Variants in TASOR observed in about 807,000 individuals in gnomAD.
The protein encoded by TASOR is protein TASOR.
Under a neutral mutation model 178.6 loss-of-function variants are expected in TASOR, and 53 were observed. That is an observed-to-expected ratio of 0.30 (90% CI 0.24 to 0.37). TASOR has a LOEUF of 0.37. TASOR is among the 10% of genes least tolerant of loss of function. The pLI, the probability that TASOR is intolerant of heterozygous loss-of-function variation, is 1.00. For synonymous variants in TASOR, 713 were observed against 696.2 expected, an observed-to-expected ratio of 1.02 and a Z score of -0.38; for missense variants, 1,815 against 1,971.4, an observed-to-expected ratio of 0.92 and a Z score of 1.50.
intron 2 of TASOR, 38 bp from the exon 3 acceptor site, chr3:56,671,730 TG>T: frequency 7.0e-7 from 1 of 1,419,190 alleles, no homozygotes; most frequent in Non-Finnish European, 9.6e-7. Flanking sequence ...ACTTAGCATG[TG>T]ATTATGTTTT....
chr3:56,626,906 A>G (rs1578184714), intron 21 of TASOR, 131 bp downstream of exon 21: 3 of 587,742 alleles, frequency 5.1e-6, no homozygotes, highest in Non-Finnish European at 9.0e-6. Flanking sequence ...CAGTATCTAT[A>G]CTCAATTATG....
intron 15 of TASOR, 88 bp downstream of exon 15, chr3:56,641,261 A>G: frequency 7.5e-7 from 1 of 1,342,276 alleles, no homozygotes; most frequent in Non-Finnish European, 1.0e-6. Context: ...TTTTTCAAAG[A>G]AAAAAATCAT....
chr3:56,663,737 A>T, intron 7 of TASOR, 165 bp from the exon 8 acceptor site: 1 of 1,055,732 alleles, frequency 9.5e-7, no homozygotes, highest in Non-Finnish European at 1.1e-6. Flanking sequence ...TAGTAAATCC[A>T]AGTCTACTTA....
At chr3:56,666,585 G>GT (rs1464403656) in intron 6 of TASOR, among the ~76,000 whole-genome samples, 12 of 152,126 alleles carry the variant, frequency 7.9e-5, no homozygotes, top group African/African-American at 2.9e-4. Context: ...ATCTAAGTGC[G>GT]TAAGATCCCA....
At chr3:56,629,971 T>TTA (rs1188192894) in intron 18 of TASOR, among the ~76,000 whole-genome samples, 3 of 149,196 alleles carry the variant, frequency 2.0e-5, no homozygotes. Context: ...TGCTGGTAAT[T>TTA]TTTTTTTTTT....
chr3:56,630,998 C>T (rs2076900645), intron 18 of TASOR, among the ~76,000 whole-genome samples: 1 of 152,054 alleles, frequency 6.6e-6, no homozygotes, highest in Non-Finnish European at 1.5e-5. Flanking sequence ...CCTATTCTCT[C>T]ATCTAACCCC....
At chr3:56,628,674 C>T (rs1461246903) in intron 18 of TASOR, 60 bp from the exon 19 acceptor site, 1 of 1,167,238 alleles carries the variant, frequency 8.6e-7, no homozygotes, top group African/African-American at 1.6e-5. Context: ...ATCAATTTAA[C>T]ACCAGAAATG....
rs2076662184 is a variant in TASOR, at chr3:56,621,729, T to C, written c.*1308A>G. 1.5e-6 allele frequency: 1 copy of C among 686,050 alleles called. No homozygotes were observed. Among genetic ancestry groups the C allele is most frequent in the South Asian group, 2.1e-5 (1 of 47,610 alleles). 42.5% of individuals were successfully genotyped at this position (686,050 alleles called of 1,614,324 possible). On this transcript the variant is annotated 3_prime_UTR_variant, in exon 24 of 24. Transcript: ENST00000683822. ...GCCTAGATTTACTTATTTTTTTAAA[T>C]GCTCATTAAAAACTTGTATACTATG...
intron 17 of TASOR, among the ~76,000 whole-genome samples, chr3:56,636,386 TTGTTGGTG>T (rs2077016770): frequency 6.6e-6 from 1 of 150,400 alleles, no homozygotes; most frequent in Non-Finnish European, 1.5e-5. Flanking sequence ...AAAGCTTTTG[TTGTTGGTG>T]GTGGTGGTGG....
chr3:56,669,303 A>C (rs2030409486), intron 5 of TASOR, among the ~76,000 whole-genome samples: 1 of 152,140 alleles, frequency 6.6e-6, no homozygotes, highest in Non-Finnish European at 1.5e-5. Context: ...GGAGATCGAG[A>C]CCATCCTGGC....
intron 21 of TASOR, 149 bp downstream of exon 21, chr3:56,626,888 G>A: frequency 1.9e-6 from 1 of 515,232 alleles, no homozygotes; most frequent in Non-Finnish European, 3.5e-6. Context: ...ATAAAGGCTA[G>A]AATAATTCAG....
chr3:56,633,416 T>G lies in TASOR; in HGVS notation c.3375A>C (p.Ser1125=). The G allele has an allele frequency of 6.2e-7, 1 of 1,614,156 alleles. No individual in the cohort carries two copies. Among genetic ancestry groups the G allele is most frequent in the Non-Finnish European group, 8.5e-7 (1 of 1,180,004 alleles). The change falls in exon 18 of 24, where the codon TCA becomes TCC. Residue 1125 remains serine, a synonymous_variant. Transcript: ENST00000683822. ...PLERHVIPVS[S]SDFNNKHLLE... is the part of the protein sequence containing the mutation. ...GGAGATGTTTATTGTTGAAGTCACT[T>G]GAGGAAACTGGTATGACATGCCTTT... is the stretch of plus-strand genomic sequence containing the variant.
chr3:56,668,602 G>T, intron 5 of TASOR, 44 bp from the exon 6 acceptor site: 1 of 1,301,186 alleles, frequency 7.7e-7, no homozygotes, highest in African/African-American at 1.5e-5. Context: ...AAACCTAATT[G>T]TTGACTATAT....
chr3:56,646,611 A>G lies in TASOR; in HGVS notation c.2126T>C (p.Val709Ala), dbSNP rs905251044. Residue 709 changes from valine (V) to alanine (A), a missense_variant, in exon 14 of 24, where the codon GTC becomes GCC. Physicochemically the swap from Val to Ala is moderately conservative, Grantham distance 64 (BLOSUM62 0). This residue lies in a region of TASOR where 655 missense variants were observed against 671.1 expected (regional missense o/e 0.98). Transcript: ENST00000683822. ...TAGATCCTCAAGCTTCCTCTTCAAG[A>G]CAGTTTTGCTTCTCATATCTTCTGT... ...SDTEDMRSKTVLKRKLEDLPE... is the reference protein window; with the variant it reads ...SDTEDMRSKTALKRKLEDLPE... 6.2e-7 allele frequency: 1 copy of G among 1,613,200 alleles called. No homozygotes were observed. Among genetic ancestry groups the G allele is most frequent in the African/African-American group, 1.3e-5 (1 of 74,890 alleles).
rs1454848691 is a variant in TASOR, at chr3:56,624,976, C to T, written c.4170G>A (p.Thr1390=). ...GTTTCTTCTGATAGACATTCAGAAGCGTCAACAGACTTAGAGCTTTAGCAT... is the reference window on the plus strand; with the variant it reads ...GTTTCTTCTGATAGACATTCAGAAGTGTCAACAGACTTAGAGCTTTAGCAT... The part of the protein sequence containing the change: ...RLNAKALSLL[T]LLNVYQKKHL... The change falls in exon 22 of 24, where the codon ACG becomes ACA. Residue 1390 remains threonine (T), a synonymous_variant. Transcript: ENST00000683822. The T allele has an allele frequency of 6.8e-6, 11 of 1,613,968 alleles. No individual in the cohort carries two copies. Among genetic ancestry groups the T allele is most frequent in the African/African-American group, 4.0e-5 (3 of 74,930 alleles).
At chr3:56,635,118 C>CAT (rs2076990123) in intron 17 of TASOR, among the ~76,000 whole-genome samples, 1 of 152,206 alleles carries the variant, frequency 6.6e-6, no homozygotes, top group African/African-American at 2.4e-5. Context: ...TCACACTCAT[C>CAT]ACACTTTTCT....
chr3:56,632,724 T>C (rs540235256), intron 18 of TASOR, among the ~76,000 whole-genome samples: 22 of 152,238 alleles, frequency 1.4e-4, no homozygotes, highest in Admixed American at 1.3e-3. Context: ...AACTGTAATC[T>C]TGAATGCCTG....
At position 56,673,732 on chromosome 3, in the gene TASOR, TAAAA is replaced by T; in HGVS notation, c.332-11_332-8del. Reference sequence around the variant, plus strand: ...GTTAATGGCTGGAAAAGTGCTAAAATAAAAAAACAAACATTTAAAATGTTTAACA... The same window carrying T: ...GTTAATGGCTGGAAAAGTGCTAAAATAAACAAACATTTAAAATGTTTAACA... On this transcript the variant is annotated splice_polypyrimidine_tract_variant and splice_region_variant and intron_variant, in intron 1 of 23. Transcript: ENST00000683822. 1 of 1,537,212 alleles carries T rather than the reference TAAAA, an allele frequency of 6.5e-7. No homozygotes were observed. The highest frequency in any genetic ancestry group is 1.2e-5 in the South Asian group (1 of 80,962).
At chr3:56,669,648 A>C in intron 5 of TASOR, 52 bp downstream of exon 5, 1 of 1,157,800 alleles carries the variant, frequency 8.6e-7, no homozygotes, top group Non-Finnish European at 1.2e-6. Context: ...TAAAAATTAA[A>C]ATCCAAATCA....
Sources: allele counts gnomAD v4.1 joint callset (sites outside exome capture counted in the v4.1 genomes callset), GRCh38; gene constraint gnomAD v4.1.1; regional missense constraint gnomAD v4.1.1; transcripts MANE v1.5; gene names NCBI Gene and HGNC (gene_info 2026-07-23, HGNC 2026-07-21).